Variants in GRAMD2B observed in about 807,000 individuals in gnomAD.
The protein encoded by GRAMD2B is GRAM domain containing 2B, also known as GRAM domain-containing protein 2B.
Under a neutral mutation model 59.2 loss-of-function variants are expected in GRAMD2B, and 41 were observed. The observed-to-expected ratio is 0.69, with a 90% CI of 0.54 to 0.90. The LOEUF (loss-of-function observed/expected upper bound fraction) is 0.90, where lower values mean the gene tolerates loss of function less well. Among genes scored for constraint, GRAMD2B ranks in the 40% least tolerant of loss-of-function variants. The pLI is 0.00. For synonymous variants in GRAMD2B, 161 were observed against 182.7 expected, an observed-to-expected ratio of 0.88 and a Z score of 0.96; for missense variants, 424 against 500.5, an observed-to-expected ratio of 0.85 and a Z score of 1.46.
chr5:126,481,204 AAAG>A (rs1321496460), intron 8 of GRAMD2B, among the ~76,000 whole-genome samples: 6 of 2,892 alleles, frequency 2.1e-3, no homozygotes, highest in African/African-American at 5.3e-3. Flanking sequence ...AAAAAAAAAA[AAAG>A]AAAGAAAGAA....
At chr5:126,403,835 A>G (rs571753073) in intron 1 of GRAMD2B, among the ~76,000 whole-genome samples, 73 of 152,014 alleles carry the variant, frequency 4.8e-4, no homozygotes, top group African/African-American at 1.8e-3. Context: ...ATTATCCCCC[A>G]AGTTCTGCTA....
intron 1 of GRAMD2B, among the ~76,000 whole-genome samples, chr5:126,429,300 A>C (rs1761159971): frequency 6.6e-6 from 1 of 152,162 alleles, no homozygotes; most frequent in African/African-American, 2.4e-5. Context: ...ACGAAATACC[A>C]CATGTTCTCA....
chr5:126,491,080 A>C (rs146397363), intron 13 of GRAMD2B, among the ~76,000 whole-genome samples: 94 of 152,220 alleles, frequency 6.2e-4, no homozygotes, highest in African/African-American at 2.1e-3. Context: ...ATTATTACTG[A>C]GGCTGAACAT....
At chr5:126,412,218 C>T (rs1287481122) in intron 1 of GRAMD2B, among the ~76,000 whole-genome samples, 1 of 152,016 alleles carries the variant, frequency 6.6e-6, no homozygotes, top group Non-Finnish European at 1.5e-5. Flanking sequence ...CAGTTTTTGC[C>T]TGTTCAATCT....
At chr5:126,479,894 A>C (rs1771393545) in intron 6 of GRAMD2B, 1 of 152,136 alleles carries the variant, frequency 6.6e-6, no homozygotes, top group Admixed American at 6.5e-5. Context: ...TCTAGCTTTG[A>C]TTTTACTCCT....
chr5:126,475,159 C>T (rs545714645), intron 5 of GRAMD2B, among the ~76,000 whole-genome samples: 3 of 152,066 alleles, frequency 2.0e-5, no homozygotes, highest in Admixed American at 2.0e-4. Context: ...TAATTTAATC[C>T]GGACCTTTTT....
At chr5:126,454,708 T>A (rs1197804331) in intron 1 of GRAMD2B, among the ~76,000 whole-genome samples, 1 of 152,170 alleles carries the variant, frequency 6.6e-6, no homozygotes, top group Non-Finnish European at 1.5e-5. Flanking sequence ...AAGAGGTTAC[T>A]GGAGCCAGAT....
intron 1 of GRAMD2B, among the ~76,000 whole-genome samples, chr5:126,441,086 G>A (rs963382610): frequency 6.6e-6 from 1 of 151,588 alleles, no homozygotes; most frequent in East Asian, 1.9e-4. Context: ...TTTTTTCATG[G>A]TGTTGGTAAT....
intron 1 of GRAMD2B, among the ~76,000 whole-genome samples, chr5:126,365,135 T>C (rs1456373894): frequency 6.6e-6 from 1 of 152,208 alleles, no homozygotes; most frequent in Non-Finnish European, 1.5e-5. Flanking sequence ...TTATATTTTA[T>C]TTTCAAAATG....
intron 3 of GRAMD2B, among the ~76,000 whole-genome samples, chr5:126,471,025 C>CT (rs2126825267): frequency 6.6e-6 from 1 of 152,320 alleles, no homozygotes; most frequent in African/African-American, 2.4e-5. Context: ...GAACACCTAG[C>CT]TTTAATCAAG....
intron 13 of GRAMD2B, among the ~76,000 whole-genome samples, chr5:126,489,292 A>G (rs1442404169): frequency 2.6e-5 from 4 of 152,212 alleles, no homozygotes; most frequent in African/African-American, 4.8e-5. Flanking sequence ...CTGTTCCCAT[A>G]GGTAAAATAT....
At chr5:126,465,823 T>C (rs1768245883) in intron 2 of GRAMD2B, among the ~76,000 whole-genome samples, 1 of 152,124 alleles carries the variant, frequency 6.6e-6, no homozygotes, top group Non-Finnish European at 1.5e-5. Context: ...TTTAGAAAGC[T>C]GGGAAGGCTG....
chr5:126,394,229 G>C (rs1430216644), intron 1 of GRAMD2B, among the ~76,000 whole-genome samples: 2 of 151,574 alleles, frequency 1.3e-5, no homozygotes, highest in East Asian at 3.9e-4. Context: ...GAGGCGAGAT[G>C]GCGCCACTGC....
At chr5:126,443,818 G>A (rs1315852538) in intron 1 of GRAMD2B, among the ~76,000 whole-genome samples, 1 of 152,218 alleles carries the variant, frequency 6.6e-6, no homozygotes, top group African/African-American at 2.4e-5. Flanking sequence ...GGGAGGCTGA[G>A]GCAGGTGGAT....
At chr5:126,444,060 A>T (rs1480531937) in intron 1 of GRAMD2B, among the ~76,000 whole-genome samples, 1 of 152,072 alleles carries the variant, frequency 6.6e-6, no homozygotes, top group Non-Finnish European at 1.5e-5. Flanking sequence ...CTCAAAAAAA[A>T]AAAAGAGAGA....
chr5:126,488,762 T>A (rs2126969518), intron 12 of GRAMD2B, 37 bp from the exon 13 acceptor site: 2 of 1,428,114 alleles, frequency 1.4e-6, no homozygotes, highest in South Asian at 2.3e-5. Context: ...TTCCTTGTCA[T>A]CCCTGCCCAT....
chr5:126,440,094 A>T lies in GRAMD2B; in HGVS notation c.83+16405A>T, dbSNP rs867810538. 2.6e-5 allele frequency among the ~76,000 whole-genome samples: 4 copies of T among 152,302 alleles called. 1 individual carries two copies. The highest frequency in any genetic ancestry group is 2.6e-4 in the Admixed American group (4 of 15,300). On this transcript the variant is annotated intron_variant, in intron 1 of 13. Transcript: ENST00000285689. ...TGAAAATGGACTAATACAGTCAATTACCTTTCTTAATTAACAATAAAAAGT... is the reference window on the plus strand; with the variant it reads ...TGAAAATGGACTAATACAGTCAATTTCCTTTCTTAATTAACAATAAAAAGT...
chr5:126,389,124 G>A (rs1211397867), intron 1 of GRAMD2B, among the ~76,000 whole-genome samples: 1 of 152,166 alleles, frequency 6.6e-6, no homozygotes, highest in Non-Finnish European at 1.5e-5. Context: ...GACTGCCTGA[G>A]CTCTAATGTC....
At chr5:126,409,407 G>A (rs1301300584) in intron 1 of GRAMD2B, among the ~76,000 whole-genome samples, 1 of 152,156 alleles carries the variant, frequency 6.6e-6, no homozygotes, top group African/African-American at 2.4e-5. Context: ...GTATCTCACT[G>A]TGGTTTTGAT....
Sources: allele counts gnomAD v4.1 joint callset (sites outside exome capture counted in the v4.1 genomes callset), GRCh38; gene constraint gnomAD v4.1.1; transcripts MANE v1.5; gene names NCBI Gene and HGNC (gene_info 2026-07-23, HGNC 2026-07-21).